Variants in ZNF750 observed in about 807,000 individuals in gnomAD.
ZNF750 encodes protein ZNF750.
Under a neutral mutation model 31.6 loss-of-function variants are expected in ZNF750, and 10 were observed. That is an observed-to-expected ratio of 0.32 (90% CI 0.19 to 0.54). The LOEUF is 0.54. Among genes scored for constraint, ZNF750 ranks in the 20% least tolerant of loss-of-function variants. The pLI, the probability that ZNF750 is intolerant of heterozygous loss-of-function variation, is 0.95. For synonymous variants in ZNF750, 400 were observed against 404.9 expected, an observed-to-expected ratio of 0.99 and a Z score of 0.15; for missense variants, 914 against 934.9, an observed-to-expected ratio of 0.98 and a Z score of 0.29.
chr17:82,839,352 CATAT>C (rs1305689424), intron 1 of ZNF750, among the ~76,000 whole-genome samples: 1 of 151,440 alleles, frequency 6.6e-6, no homozygotes, highest in Non-Finnish European at 1.5e-5. Context: ...ACCACACACA[CATAT>C]ATATAACCCT....
intron 2 of ZNF750, 46 bp from the exon 3 acceptor site, chr17:82,830,923 G>C (rs2053447153): frequency 1.2e-6 from 2 of 1,612,988 alleles, no homozygotes; most frequent in Non-Finnish European, 1.7e-6. Context: ...GCTTAGAAAA[G>C]CAACTGCGTG....
At position 82,832,299 on chromosome 17, in the gene ZNF750, C is replaced by A; in HGVS notation, c.156G>T (p.Ser52=). 1 of 1,614,158 alleles carries A rather than the reference C, an allele frequency of 6.2e-7. No individual in the cohort carries two copies. The change falls in exon 2 of 3, where the codon TCG becomes TCT. Residue 52 remains serine (S), a synonymous_variant. Transcript: ENST00000269394. This position sits in a 1 kb window ranked among gnomAD's most constrained non-coding sequence, Gnocchi z 4.9. ...NHMKYGLCKN[S]ITLVSEQDRV... ...GATCCTGCTCTGATACTAAAGTAATCGAGTTTTTACAAAGACCATACTTCA... is the reference window on the plus strand; with the variant it reads ...GATCCTGCTCTGATACTAAAGTAATAGAGTTTTTACAAAGACCATACTTCA...
At position 82,830,609 on chromosome 17, in the gene ZNF750, G is replaced by A. The variant is rs375681559; in HGVS notation, c.1705C>T (p.Pro569Ser). 28 of 1,613,962 alleles carry A rather than the reference G, an allele frequency of 1.7e-5. No homozygotes were observed. The highest frequency in any genetic ancestry group is 1.6e-4 in the Middle Eastern group (1 of 6,084). The change falls in exon 3 of 3, where the codon CCC becomes TCC. Residue 569 changes from proline to serine, a missense_variant. Physicochemically the swap from Pro to Ser is moderately conservative, Grantham distance 74. Around this residue, in one of 2 missense-constraint regions of ZNF750, gnomAD observed 880 missense variants for 868.9 expected, o/e 1.01. Transcript: ENST00000269394. ...GGTTCTGCAGCTCGTGGTCGACCGG[G>A]GAAGGCAGGCCTCGGAGCCTGGGTG... The part of the protein sequence containing the change: ...CNTQAPRPAF[P>S]GRPRAAEPAA...
At chr17:82,834,702 C>T (rs2145327761) in intron 1 of ZNF750, among the ~76,000 whole-genome samples, 1 of 150,798 alleles carries the variant, frequency 6.6e-6, no homozygotes, top group East Asian at 2.0e-4. Context: ...GAACATCACA[C>T]ACCAGGGCCT....
In ZNF750 at chr17:82,831,609, T is replaced by A. The variant is rs2053517808; in HGVS notation, c.846A>T (p.Arg282Ser). The A allele has an allele frequency of 6.2e-7, 1 of 1,613,950 alleles. No individual in the cohort carries two copies. Among genetic ancestry groups the A allele is most frequent in the African/African-American group, 1.3e-5 (1 of 74,876 alleles). ...LLSVYGTQDP[R>S]HFLPHPGPIP... is the part of the protein sequence containing the mutation. ...TCGGCCCCGGGTGAGGCAGGAAGTG[T>A]CTCGGGTCTTGGGTTCCGTAGACTG... The change falls in exon 2 of 3, where the codon AGA becomes AGT. Residue 282 changes from arginine to serine, a missense_variant. This residue lies in a region of ZNF750 where 880 missense variants were observed against 868.9 expected (regional missense o/e 1.01). Transcript: ENST00000269394. The surrounding 1 kb of genome is among the most constrained non-coding windows in gnomAD (Gnocchi z 4.6).
At position 82,831,935 on chromosome 17, in the gene ZNF750, C is replaced by T. The variant is rs2145270258; in HGVS notation, c.520G>A (p.Asp174Asn). 1.2e-6 allele frequency: 2 copies of T among 1,614,166 alleles called. No individual in the cohort carries two copies. The highest frequency in any genetic ancestry group is 1.7e-6 in the Non-Finnish European group (2 of 1,180,032). Residue 174 changes from aspartate (D) to asparagine (N), a missense_variant, in exon 2 of 3, where the codon GAC becomes AAC. This residue lies in a region of ZNF750 where 880 missense variants were observed against 868.9 expected (regional missense o/e 1.01). Coordinates refer to ENST00000269394, the MANE Select transcript of ZNF750 (RefSeq NM_024702.3). The surrounding 1 kb of genome is among the most constrained non-coding windows in gnomAD (Gnocchi z 4.6). Reference protein sequence around the residue: ...PVGEHRLKGPDNAEAPETLAL... With the variant: ...PVGEHRLKGPNNAEAPETLAL... ...AGTGTCTCGGGCGCCTCGGCGTTGT[C>T]TGGCCCCTTGAGTCTGTGCTCGCCG... is the stretch of plus-strand genomic sequence containing the variant.
At position 82,830,015 on chromosome 17, in the gene ZNF750, GT is replaced by G. The variant is rs869264041; in HGVS notation, c.*126del. 1 of 1,263,432 alleles carries G rather than the reference GT, an allele frequency of 7.9e-7. No homozygotes were observed. Among genetic ancestry groups the G allele is most frequent in the Non-Finnish European group, 1.1e-6 (1 of 919,116 alleles). 78.3% of individuals were successfully genotyped at this position (1,263,432 alleles called of 1,614,324 possible). On this transcript the variant is annotated 3_prime_UTR_variant, in exon 3 of 3. Coordinates refer to ENST00000269394, the MANE Select transcript of ZNF750 (RefSeq NM_024702.3). ...GGGTTTTTTGTTTGTTTGTTTGTTT[GT>G]TTTTTTGAGAAGCAGCAGCTGCATT...
Position 82,830,176 on chromosome 17 carries a change from A to T in ZNF750, c.2138T>A (p.Val713Glu). 6.2e-7 allele frequency: 1 copy of T among 1,614,104 alleles called. No homozygotes were observed. Among genetic ancestry groups the T allele is most frequent in the Non-Finnish European group, 8.5e-7 (1 of 1,180,036 alleles). The change falls in exon 3 of 3, where the codon GTG (valine) becomes GAG (glutamate). Residue 713 changes from valine to glutamate, a missense_variant. Transcript: ENST00000269394. ...CCGGGCCCTCCTTCGTAGTGTGAAC[A>T]CTCTGGCCGTGTCCTGCAGCTTCGC... ...KKAKLQDTAR[V>E]FTLRRRARVS
At chr17:82,838,038 G>A (rs1442209484) in intron 1 of ZNF750, among the ~76,000 whole-genome samples, 2 of 152,234 alleles carry the variant, frequency 1.3e-5, no homozygotes, top group Middle Eastern at 3.2e-3. Flanking sequence ...GTGCTCAGCC[G>A]ATGCACTTGG....
At chr17:82,838,424 G>A (rs2054170043) in intron 1 of ZNF750, among the ~76,000 whole-genome samples, 1 of 152,320 alleles carries the variant, frequency 6.6e-6, no homozygotes, top group African/African-American at 2.4e-5. Context: ...AACTATGCTT[G>A]TCATGCGTCC....
rs2053525059 is a variant in ZNF750, at chr17:82,831,661, G to A, written c.794C>T (p.Ser265Leu). 3.1e-6 allele frequency: 5 copies of A among 1,614,168 alleles called. No homozygotes were observed. Among genetic ancestry groups the A allele is most frequent in the South Asian group, 2.2e-5 (2 of 91,074 alleles). ...IYSPYLLAGS[S>L]PECDAPLLSV... ...CAGCAGGGGTGCGTCACACTCAGGC[G>A]AGCTCCCAGCCAGCAGGTAAGGCGA... Residue 265 changes from serine to leucine, a missense_variant, in exon 2 of 3, where the codon TCG becomes TTG. This residue lies in a region of ZNF750 where 880 missense variants were observed against 868.9 expected (regional missense o/e 1.01). Coordinates refer to ENST00000269394, the MANE Select transcript of ZNF750 (RefSeq NM_024702.3). The surrounding 1 kb of genome is among the most constrained non-coding windows in gnomAD (Gnocchi z 4.6).
intron 1 of ZNF750, among the ~76,000 whole-genome samples, chr17:82,839,423 A>AT (rs2054272790): frequency 6.6e-6 from 1 of 152,128 alleles, no homozygotes. Context: ...TTCAGCCCTA[A>AT]TGTACATACA....
At position 82,830,890 on chromosome 17, in the gene ZNF750, A is replaced by G. The variant is rs750245005; in HGVS notation, c.1437-13T>C. The stretch of plus-strand genomic sequence containing the variant: ...CACAACATTGAGGCTAGAAGAAGCC[A>G]AGAAAAAGCTTAGTAGGAGCTTGCT... On this transcript the variant is annotated splice_polypyrimidine_tract_variant and intron_variant, in intron 2 of 2. Transcript: ENST00000269394. The G allele has an allele frequency of 3.7e-6, 6 of 1,612,854 alleles. No homozygotes were observed. The South Asian group carries it at 4.4e-5, about 12-fold the overall frequency.
rs146565109 is a variant in ZNF750 at position 82,835,864 on chromosome 17, C to T, written c.-182-3228G>A. Among the ~76,000 whole-genome samples, 18 of 152,336 alleles carry T rather than the reference C, an allele frequency of 1.2e-4. No homozygotes were observed. The East Asian group carries it at 2.7e-3, about 23-fold the overall frequency. On this transcript the variant is annotated intron_variant, in intron 1 of 2. Transcript: ENST00000269394. The surrounding 1 kb of genome is among the most constrained non-coding windows in gnomAD (Gnocchi z 4.5). ...AGGGGCTCTGCTGACCTGCCACCTT[C>T]GCTGTGATGAGTTTCTGTGTAGCAG...
chr17:82,839,252 G>A (rs2054251848), intron 1 of ZNF750, among the ~76,000 whole-genome samples: 1 of 152,036 alleles, frequency 6.6e-6, no homozygotes, highest in Non-Finnish European at 1.5e-5. Context: ...TGTCTAATGT[G>A]TATACACCAC....
At position 82,832,684 on chromosome 17, in the gene ZNF750, G is replaced by T; in HGVS notation, c.-182-48C>A. The T allele has an allele frequency of 1.7e-6, 1 of 579,408 alleles. No individual in the cohort carries two copies. The highest frequency in any genetic ancestry group is 2.9e-5 in the East Asian group (1 of 34,122). 35.9% of individuals were successfully genotyped at this position (579,408 alleles called of 1,614,324 possible). ...TGTCAGGACAGCGAGTGAGGGGTCG[G>T]CGAGAAGCCGGCCTCGGCTCGCCAC... On this transcript the variant is annotated intron_variant, in intron 1 of 2. Transcript: ENST00000269394. This position sits in a 1 kb window ranked among gnomAD's most constrained non-coding sequence, Gnocchi z 4.9.
In ZNF750 at chr17:82,831,283, C is replaced by T. The variant is rs138389620; in HGVS notation, c.1172G>A (p.Gly391Glu). ...TTTGGACCCTTCCGTGTCTCTCTGCCCAGCCTTGGAGGAGTCTTTAGCCTC... is the reference window on the plus strand; with the variant it reads ...TTTGGACCCTTCCGTGTCTCTCTGCTCAGCCTTGGAGGAGTCTTTAGCCTC... ...IPEAKDSSKA[G>E]QRDTEGSKMS... Residue 391 changes from glycine (G) to glutamate (E), a missense_variant, in exon 2 of 3, where the codon GGG becomes GAG. Transcript: ENST00000269394. The surrounding 1 kb of genome is among the most constrained non-coding windows in gnomAD (Gnocchi z 4.6). 2.2e-5 allele frequency: 36 copies of T among 1,613,864 alleles called. No individual in the cohort carries two copies. The African/African-American group carries it at 4.3e-4, about 19-fold the overall frequency.
At position 82,829,505 on chromosome 17, in the gene ZNF750, A is replaced by G. The variant is rs1598762482; in HGVS notation, c.*637T>C. The G allele has an allele frequency of 6.5e-6, 1 of 153,086 alleles. No homozygotes were observed. Among genetic ancestry groups the G allele is most frequent in the East Asian group, 1.9e-4 (1 of 5,198 alleles). 9.5% of individuals were successfully genotyped at this position (153,086 alleles called of 1,614,324 possible). A position where few individuals can be genotyped will look rare whatever the true frequency, so the allele number is the denominator to read the frequency against. ...ATGGTTCATATGAGTTTATTGGAAA[A>G]TTAGCAACATACACATCATTTTGGG... On this transcript the variant is annotated 3_prime_UTR_variant, in exon 3 of 3. Transcript: ENST00000269394.
rs1393968679 is a variant in ZNF750, at chr17:82,833,611, G to A, written c.-182-975C>T. ...GTCACCCGGTTCCTGCTGGCCAGGAGGCATGGCCAGCAGCGCCTGCCCGTC... is the reference window on the plus strand; with the variant it reads ...GTCACCCGGTTCCTGCTGGCCAGGAAGCATGGCCAGCAGCGCCTGCCCGTC... On this transcript the variant is annotated intron_variant, in intron 1 of 2. Coordinates refer to ENST00000269394, the MANE Select transcript of ZNF750 (RefSeq NM_024702.3). This position sits in a 1 kb window ranked among gnomAD's most constrained non-coding sequence, Gnocchi z 4.7. Among the ~76,000 whole-genome samples the A allele has an allele frequency of 6.6e-6, 1 of 152,208 alleles. No homozygotes were observed. Among genetic ancestry groups the A allele is most frequent in the Non-Finnish European group, 1.5e-5 (1 of 68,040 alleles).
Sources: gnomAD v4.1 joint callset for allele counts (sites outside exome capture counted in the v4.1 genomes callset) on GRCh38, gnomAD v4.1.1 for gene constraint, gnomAD v4.1.1 regional missense constraint, Gnocchi (gnomAD v3.1) non-coding constraint, MANE v1.5 for transcripts, NCBI Gene and HGNC (gene_info 2026-07-23, HGNC 2026-07-21) for gene names.